Variants in BSDC1 observed in about 807,000 individuals in gnomAD.
The protein encoded by BSDC1 is BSD domain-containing protein 1.
BSDC1 carries 29 observed loss-of-function variants against 56.0 expected under a neutral mutation model. The observed-to-expected ratio is 0.52, with a 90% confidence interval of 0.39 to 0.71. The LOEUF is 0.71. Among genes scored for constraint, BSDC1 ranks in the 30% least tolerant of loss-of-function variants. The probability of loss-of-function intolerance (pLI) is 0.00; values close to 1 mark genes in which losing one functional copy is unlikely to be tolerated. For synonymous variants in BSDC1, 210 were observed against 215.3 expected (o/e 0.98, Z 0.21); for missense variants, 477 against 548.5 (o/e 0.87, Z 1.30).
At chr1:32,393,351 G>A (rs942921555) in intron 2 of BSDC1, among the ~76,000 whole-genome samples, 2 of 152,134 alleles carry the variant, frequency 1.3e-5, no homozygotes, top group African/African-American at 2.4e-5. Context: ...TCTACTGCCC[G>A]TTGCATAGCC....
intron 3 of BSDC1, 39 bp downstream of exon 3, chr1:32,386,740 C>G (rs748609983): frequency 6.5e-7 from 1 of 1,530,602 alleles, no homozygotes; most frequent in Non-Finnish European, 9.0e-7. Context: ...GGACAGGTTG[C>G]GAGGGGCAGT....
intron 9 of BSDC1, 136 bp downstream of exon 9, chr1:32,376,126 T>A: frequency 1.1e-6 from 1 of 901,206 alleles, no homozygotes; most frequent in Non-Finnish European, 1.6e-6. Context: ...ATAGTCAATA[T>A]ATAGCAGCTG....
intron 8 of BSDC1, among the ~76,000 whole-genome samples, chr1:32,377,102 C>T (rs1004166610): frequency 1.3e-5 from 2 of 152,070 alleles, no homozygotes; most frequent in Admixed American, 6.5e-5. Flanking sequence ...CGCCACTGCA[C>T]TCCAGCCTGG....
chr1:32,370,253 T>C (rs748309949), intron 9 of BSDC1, among the ~76,000 whole-genome samples: 1 of 152,204 alleles, frequency 6.6e-6, no homozygotes, highest in Non-Finnish European at 1.5e-5. Flanking sequence ...ACTGGGATTA[T>C]AGGCGTGAGC....
At position 32,375,253 on chromosome 1, in the gene BSDC1, A is replaced by G. The variant is rs530538935; in HGVS notation, c.1156+1009T>C. Among the ~76,000 whole-genome samples the G allele has an allele frequency of 3.4e-3, 516 of 152,186 alleles. 1 individual carries two copies. Among genetic ancestry groups the G allele is most frequent in the African/African-American group, 0.012 (484 of 41,524 alleles). The stretch of plus-strand genomic sequence containing the variant: ...GGAGACTGGAAACTCTATGGTTTCC[A>G]TCAGGGAATAGGTTAGGGGTGGGGT... On this transcript the variant is annotated intron_variant, in intron 9 of 10. Coordinates refer to ENST00000455895, the MANE Select transcript of BSDC1 (RefSeq NM_018045.8).
chr1:32,381,113 G>A (rs938890213), intron 5 of BSDC1, 101 bp downstream of exon 5: 3 of 1,118,810 alleles, frequency 2.7e-6, no homozygotes, highest in East Asian at 2.4e-5. Flanking sequence ...CCCTACATAG[G>A]GGGTGCCCGG....
intron 2 of BSDC1, 62 bp from the exon 3 acceptor site, chr1:32,386,957 CCT>C (rs1642694184): frequency 1.5e-6 from 2 of 1,335,340 alleles, no homozygotes; most frequent in Non-Finnish European, 2.1e-6. Context: ...GTTCCTGTTC[CCT>C]GTGTTTCTTC....
At chr1:32,377,336 T>G (rs750522710) in intron 8 of BSDC1, among the ~76,000 whole-genome samples, 15 of 152,194 alleles carry the variant, frequency 9.9e-5, no homozygotes, top group Non-Finnish European at 2.1e-4. Context: ...GGGTTCAGGT[T>G]GGACTCTGCT....
At chr1:32,385,033 A>G (rs1343187201) in intron 3 of BSDC1, among the ~76,000 whole-genome samples, 1 of 152,230 alleles carries the variant, frequency 6.6e-6, no homozygotes, top group Non-Finnish European at 1.5e-5. Context: ...AAAAAATTCC[A>G]AAACTCATTT....
rs866898733 is a variant in BSDC1 at position 32,383,988 on chromosome 1, A to T, written c.199T>A (p.Ser67Thr). 9.9e-6 allele frequency: 16 copies of T among 1,613,128 alleles called. No homozygotes were observed. In the Middle Eastern group the frequency reaches 2.3e-3, roughly 230 times the overall value. ...TTCATCTTCTCTGTTGCTCCTGAGGAGCCTTCCGTCTGTATAGAGAACGGG... is the reference window on the plus strand; with the variant it reads ...TTCATCTTCTCTGTTGCTCCTGAGGTGCCTTCCGTCTGTATAGAGAACGGG... ...VVKEKLATEG[S>T]SGATEKMKKG... Residue 67 changes from serine (S) to threonine (T), a missense_variant, in exon 4 of 11, where the codon TCC (serine) becomes ACC (threonine). Coordinates refer to ENST00000455895, the MANE Select transcript of BSDC1 (RefSeq NM_018045.8).
chr1:32,383,776 T>C, intron 4 of BSDC1, 54 bp downstream of exon 4: 1 of 1,570,284 alleles, frequency 6.4e-7, no homozygotes, highest in Admixed American at 1.7e-5. Flanking sequence ...GGATGGAAGT[T>C]AAAGCCCAGG....
At chr1:32,372,059 G>A (rs1410313362) in intron 9 of BSDC1, among the ~76,000 whole-genome samples, 1 of 152,172 alleles carries the variant, frequency 6.6e-6, no homozygotes, top group African/African-American at 2.4e-5. Context: ...TGTAGACCTG[G>A]CCCTGCCGTT....
chr1:32,386,894 G>A lies in BSDC1; in HGVS notation c.74C>T (p.Ser25Phe). ...CTTCATAAACTCCAAGGCTTCAGAG[G>A]ACTGTGGGAAGACAGAGAGGGATGC... ...QQSYQAVKEK[S>F]SEALEFMKRD... Residue 25 changes from serine to phenylalanine, a missense_variant and splice_region_variant, in exon 3 of 11, where the codon TCC becomes TTC. Physicochemically the swap from Ser to Phe is radical, Grantham distance 155. Transcript: ENST00000455895. 6.2e-7 allele frequency: 1 copy of A among 1,611,772 alleles called. No individual in the cohort carries two copies. Among genetic ancestry groups the A allele is most frequent in the South Asian group, 1.1e-5 (1 of 90,984 alleles).
At chr1:32,391,297 T>C (rs1226801896) in intron 2 of BSDC1, among the ~76,000 whole-genome samples, 1 of 151,988 alleles carries the variant, frequency 6.6e-6, no homozygotes, top group Non-Finnish European at 1.5e-5. Context: ...GGTGGTGGCT[T>C]TGAGGGTGGG....
intron 9 of BSDC1, among the ~76,000 whole-genome samples, chr1:32,374,034 C>T (rs1642190706): frequency 6.6e-6 from 1 of 152,174 alleles, no homozygotes; most frequent in African/African-American, 2.4e-5. Flanking sequence ...GTCAGGCCCA[C>T]CACCTACTCC....
chr1:32,368,671 T>A lies in BSDC1; in HGVS notation c.1157-121A>T. 3 of 1,402,586 alleles carry A rather than the reference T, an allele frequency of 2.1e-6. No individual in the cohort carries two copies. In the South Asian group the frequency reaches 4.2e-5, roughly 20 times the overall value. 86.9% of individuals were successfully genotyped at this position (1,402,586 alleles called of 1,614,324 possible). A position where few individuals can be genotyped will look rare whatever the true frequency, so the allele number is the denominator to read the frequency against. Reference sequence around the variant, plus strand: ...CTCACAAATACACAAGTCTTTACATTTTGTGTTCACTCTGGCGCACCAATC... The same window carrying A: ...CTCACAAATACACAAGTCTTTACATATTGTGTTCACTCTGGCGCACCAATC... On this transcript the variant is annotated intron_variant, in intron 9 of 10. Transcript: ENST00000455895.
rs1289225337 is a variant in BSDC1, at chr1:32,378,762, C to T, written c.490G>A (p.Val164Ile). 2 of 1,547,306 alleles carry T rather than the reference C, an allele frequency of 1.3e-6. No homozygotes were observed. Among genetic ancestry groups the T allele is most frequent in the Admixed American group, 2.0e-5 (1 of 50,404 alleles). ...EKKGEISELL[V>I]GSPSIRALYT... ...AGGGCCCGGATGGAGGGGCTGCCTA[C>T]AAGGAGCTCTGAGATCTCCCCCTTC... The change falls in exon 6 of 11, where the codon GTA (valine) becomes ATA (isoleucine). Residue 164 changes from valine (V) to isoleucine (I), a missense_variant. Transcript: ENST00000455895. The surrounding 1 kb of genome is among the most constrained non-coding windows in gnomAD (Gnocchi z 5.2).
At chr1:32,393,159 C>T (rs1046351822) in intron 2 of BSDC1, among the ~76,000 whole-genome samples, 1 of 152,206 alleles carries the variant, frequency 6.6e-6, no homozygotes, top group African/African-American at 2.4e-5. Context: ...ATCCCAATTG[C>T]TTGAGGTAAA....
In BSDC1 at chr1:32,369,798, T is replaced by C. The variant is rs201730435; in HGVS notation, c.1157-1248A>G. Among the ~76,000 whole-genome samples the C allele has an allele frequency of 3.9e-5, 6 of 152,322 alleles. No individual in the cohort carries two copies. The East Asian group carries it at 1.2e-3, about 29-fold the overall frequency. On this transcript the variant is annotated intron_variant, in intron 9 of 10. Transcript: ENST00000455895. ...CATCACCCTCACTCTGCTCTAGTTG[T>C]TCTTTTTTTTCTGAGACAGAGTCTC...
Sources: allele counts gnomAD v4.1 joint callset (sites outside exome capture counted in the v4.1 genomes callset), GRCh38; gene constraint gnomAD v4.1.1; non-coding constraint Gnocchi (gnomAD v3.1); transcripts MANE v1.5; gene names NCBI Gene and HGNC (gene_info 2026-07-23, HGNC 2026-07-21).